Variants in SHANK2 observed in about 807,000 individuals in gnomAD.
SHANK2 encodes SH3 and multiple ankyrin repeat domains protein 2.
Under a neutral mutation model 133.7 loss-of-function variants are expected in SHANK2, and 43 were observed. The observed-to-expected ratio is 0.32, with a 90% CI of 0.25 to 0.41. The LOEUF is 0.41. Ranked by LOEUF, SHANK2 falls within the 10% of genes least tolerant of loss-of-function variation. SHANK2 has a pLI of 1.00. For synonymous variants in SHANK2, 1,017 were observed against 952.8 expected, an observed-to-expected ratio of 1.07 and a Z score of -1.24; for missense variants, 1,994 against 2,235.8, an observed-to-expected ratio of 0.89 and a Z score of 2.18.
At chr11:70,795,941 C>T (rs1947900723) in intron 14 of SHANK2, among the ~76,000 whole-genome samples, 1 of 152,196 alleles carries the variant, frequency 6.6e-6, no homozygotes, top group Non-Finnish European at 1.5e-5. Context: ...CGCATCAGCC[C>T]AGGTAGAAAA....
intron 8 of SHANK2, among the ~76,000 whole-genome samples, chr11:71,082,144 A>G (rs953158805): frequency 2.6e-5 from 4 of 152,120 alleles, no homozygotes; most frequent in African/African-American, 9.7e-5. Context: ...TGGTTCCAAC[A>G]CTGCTCCCAC....
intron 17 of SHANK2, among the ~76,000 whole-genome samples, chr11:70,647,840 C>T (rs12270605): frequency 0.024 from 3,711 of 152,324 alleles, 153 homozygotes; most frequent in African/African-American, 0.084. Context: ...CATCCCACCC[C>T]GGATGGGGAC....
At chr11:71,172,215 C>G (rs1418047219) in intron 2 of SHANK2, among the ~76,000 whole-genome samples, 2 of 152,318 alleles carry the variant, frequency 1.3e-5, no homozygotes, top group Middle Eastern at 3.4e-3. Context: ...AGCTCTCTTC[C>G]CTGACCTCAC....
chr11:70,499,105 C>T (rs1210090460), intron 21 of SHANK2, among the ~76,000 whole-genome samples: 1 of 152,250 alleles, frequency 6.6e-6, no homozygotes, highest in Non-Finnish European at 1.5e-5. Flanking sequence ...GCACGAGGGG[C>T]CTGGAGCATT....
In SHANK2 at chr11:70,569,354, C is replaced by A. The variant is rs894307422; in HGVS notation, c.2062-66423G>T. On this transcript the variant is annotated intron_variant, in intron 17 of 25. Coordinates refer to ENST00000601538, the MANE Select transcript of SHANK2 (RefSeq NM_012309.5). The surrounding 1 kb of genome is among the most constrained non-coding windows in gnomAD (Gnocchi z 5.1). ...TCATGCGCCTCATGGACGCATCTTG[C>A]CCCGGTTTCCAGGTGCGGTGGAGCG... 3.9e-5 allele frequency among the ~76,000 whole-genome samples: 6 copies of A among 152,196 alleles called. No individual in the cohort carries two copies. The highest frequency in any genetic ancestry group is 8.8e-5 in the Non-Finnish European group (6 of 68,028).
chr11:71,070,573 G>A (rs1951129994), intron 9 of SHANK2, among the ~76,000 whole-genome samples: 1 of 152,120 alleles, frequency 6.6e-6, no homozygotes, highest in Non-Finnish European at 1.5e-5. Flanking sequence ...CAATCCTGGG[G>A]AGGGGGATCC....
chr11:70,858,818 G>C (rs1276521705), intron 11 of SHANK2, among the ~76,000 whole-genome samples: 1 of 152,156 alleles, frequency 6.6e-6, no homozygotes, highest in Non-Finnish European at 1.5e-5. Context: ...GGTTATCCCT[G>C]GCATCTGGGA....
chr11:71,164,819 G>T (rs1555110506), intron 2 of SHANK2, among the ~76,000 whole-genome samples: 3 of 152,192 alleles, frequency 2.0e-5, no homozygotes, highest in Non-Finnish European at 4.4e-5. Flanking sequence ...GGGGGCCTAG[G>T]AGAGACGCCA....
chr11:70,707,581 C>T lies in SHANK2; in HGVS notation c.1778-8818G>A, dbSNP rs184127011. Among the ~76,000 whole-genome samples the T allele has an allele frequency of 3.8e-4, 58 of 152,148 alleles. No homozygotes were observed. The East Asian group carries it at 0.01, about 26-fold the overall frequency. On this transcript the variant is annotated intron_variant, in intron 14 of 25. Coordinates refer to ENST00000601538, the MANE Select transcript of SHANK2 (RefSeq NM_012309.5). ...AAGACAAGCTCGAGCTTAAATCTCT[C>T]GCTAGCTACACAACCCCAAGCAGCA...
At chr11:71,183,310 C>T (rs1953599968) in intron 2 of SHANK2, among the ~76,000 whole-genome samples, 1 of 152,144 alleles carries the variant, frequency 6.6e-6, no homozygotes, top group Non-Finnish European at 1.5e-5. Flanking sequence ...GGCTGCCCGA[C>T]TCATGCTGTG....
At chr11:70,480,732 G>C (rs2058721908) in intron 25 of SHANK2, among the ~76,000 whole-genome samples, 1 of 152,188 alleles carries the variant, frequency 6.6e-6, no homozygotes, top group African/African-American at 2.4e-5. Flanking sequence ...CATCCTTGTT[G>C]GTGTATTCCT....
At chr11:71,145,395 A>C (rs1315940870) in intron 3 of SHANK2, among the ~76,000 whole-genome samples, 2 of 152,254 alleles carry the variant, frequency 1.3e-5, no homozygotes, top group African/African-American at 4.8e-5. Flanking sequence ...CCTGGGCTGC[A>C]TGTGGCCCAC....
At chr11:70,950,801 G>C (rs1354288542) in intron 10 of SHANK2, among the ~76,000 whole-genome samples, 1 of 152,076 alleles carries the variant, frequency 6.6e-6, no homozygotes, top group Non-Finnish European at 1.5e-5. Flanking sequence ...GTATGTGTGG[G>C]TGTGTATGTA....
chr11:71,055,912 T>A (rs1367269808), intron 10 of SHANK2, among the ~76,000 whole-genome samples: 2 of 151,442 alleles, frequency 1.3e-5, no homozygotes, highest in African/African-American at 4.9e-5. Context: ...ATATTCTTAA[T>A]GCCACCAAAG....
chr11:71,140,036 C>T (rs1421127148), intron 3 of SHANK2, among the ~76,000 whole-genome samples: 1 of 152,210 alleles, frequency 6.6e-6, no homozygotes, highest in East Asian at 1.9e-4. Flanking sequence ...CACTCGGCAG[C>T]TCCTGGCTGG....
intron 10 of SHANK2, among the ~76,000 whole-genome samples, chr11:70,913,229 A>G (rs781873364): frequency 2.0e-4 from 31 of 152,290 alleles, no homozygotes; most frequent in Admixed American, 3.3e-4. Flanking sequence ...CTTATTATAT[A>G]AAGAGATTTG....
At chr11:70,568,204 CG>C (rs2059991490) in intron 17 of SHANK2, among the ~76,000 whole-genome samples, 1 of 152,204 alleles carries the variant, frequency 6.6e-6, no homozygotes, top group Non-Finnish European at 1.5e-5. Context: ...CAGCCTCTTC[CG>C]CGAGACTTAA....
At chr11:70,742,516 G>T (rs782015864) in intron 14 of SHANK2, among the ~76,000 whole-genome samples, 12 of 152,176 alleles carry the variant, frequency 7.9e-5, no homozygotes, top group Non-Finnish European at 1.5e-4. Context: ...GCTCTGAGAG[G>T]GACGGGGAAT....
chr11:71,126,257 A>T (rs1952185210), intron 3 of SHANK2, among the ~76,000 whole-genome samples: 3 of 150,324 alleles, frequency 2.0e-5, no homozygotes, highest in Admixed American at 2.0e-4. Flanking sequence ...TACTAAATTA[A>T]CTCTATCTGT....
Sources: allele counts gnomAD v4.1 joint callset (sites outside exome capture counted in the v4.1 genomes callset), GRCh38; gene constraint gnomAD v4.1.1; non-coding constraint Gnocchi (gnomAD v3.1); transcripts MANE v1.5; gene names NCBI Gene and HGNC (gene_info 2026-07-23, HGNC 2026-07-21).